The following OTOG variants were observed in gnomAD, a reference collection of about 807,000 sequenced individuals.
OTOG encodes the protein otogelin.
In OTOG, 296 loss-of-function variants were observed where a neutral mutation model predicts 313.8. That is an observed-to-expected ratio of 0.94 (90% CI 0.86 to 1.04). The LOEUF (loss-of-function observed/expected upper bound fraction) is 1.04. Among genes scored for constraint, OTOG ranks in the 50% least tolerant of loss-of-function variants. The pLI is 0.00. For synonymous variants in OTOG, 1,533 were observed against 1,554.9 expected, an observed-to-expected ratio of 0.99 and a Z score of 0.33; for missense variants, 3,948 against 3,840.1, an observed-to-expected ratio of 1.03 and a Z score of -0.74.
intron 39 of OTOG, among the ~76,000 whole-genome samples, chr11:17,619,967 G>A (rs1172346820): frequency 2.0e-5 from 3 of 152,030 alleles, no homozygotes; most frequent in Non-Finnish European, 4.4e-5. Context: ...TTGTTTGTCA[G>A]AAAAAGTCTT....
chr11:17,641,137 C>T (rs1847962802), intron 51 of OTOG, 46 bp downstream of exon 51: 1 of 1,496,564 alleles, frequency 6.7e-7, no homozygotes, highest in Non-Finnish European at 8.9e-7. Flanking sequence ...GGAGGGCTTG[C>T]CTGGCAGACC....
chr11:17,563,754 C>T (rs1224900283), intron 15 of OTOG, among the ~76,000 whole-genome samples: 1 of 151,912 alleles, frequency 6.6e-6, no homozygotes, highest in Non-Finnish European at 1.5e-5. Context: ...AATCTCAGCT[C>T]ACTGCAGCCT....
At chr11:17,593,365 T>C in intron 26 of OTOG, 38 bp downstream of exon 26, 1 of 1,548,142 alleles carries the variant, frequency 6.5e-7, no homozygotes, top group Non-Finnish European at 8.7e-7. Context: ...GTAGACAATT[T>C]ACAGGTTACC....
chr11:17,619,728 T>C (rs1853816386), intron 39 of OTOG, among the ~76,000 whole-genome samples: 1 of 152,222 alleles, frequency 6.6e-6, no homozygotes, highest in Non-Finnish European at 1.5e-5. Context: ...ACTTCTATAA[T>C]TATTATAAAC....
Position 17,555,858 on chromosome 11 carries a change from A to G in OTOG, c.620A>G (p.Glu207Gly). 1.3e-6 allele frequency: 2 copies of G among 1,551,056 alleles called. No homozygotes were observed. Among genetic ancestry groups the G allele is most frequent in the Non-Finnish European group, 1.7e-6 (2 of 1,147,096 alleles). ...AVSLFFVGEQ[E>G]IHLAKEVTHG... ...AGCCTCTTCTTTGTGGGTGAGCAGG[A>G]GATCCATCTGGCCAAGGAGGTCACC... The change falls in exon 7 of 56, where the codon GAG (glutamate) becomes GGG (glycine). Residue 207 changes from glutamate (E) to glycine (G), a missense_variant. Transcript: ENST00000399397.
intron 15 of OTOG, among the ~76,000 whole-genome samples, chr11:17,567,419 G>C (rs886518630): frequency 3.9e-5 from 6 of 152,220 alleles, no homozygotes; most frequent in Non-Finnish European, 7.3e-5. Context: ...TTCTCAGGTT[G>C]GCTGTTGGAC....
At chr11:17,595,251 G>A (rs532356432) in intron 28 of OTOG, among the ~76,000 whole-genome samples, 1 of 152,196 alleles carries the variant, frequency 6.6e-6, no homozygotes, top group South Asian at 2.1e-4. Context: ...AAGCTCAGTG[G>A]GTGACTAACC....
At chr11:17,592,480 A>T (rs112804223) in intron 25 of OTOG, among the ~76,000 whole-genome samples, 204 of 152,276 alleles carry the variant, frequency 1.3e-3, no homozygotes, top group African/African-American at 3.9e-3. Context: ...TTCTGTTCCT[A>T]TCTCCTGTTA....
intron 22 of OTOG, among the ~76,000 whole-genome samples, chr11:17,577,829 T>C (rs1240283823): frequency 1.3e-5 from 2 of 152,164 alleles, no homozygotes; most frequent in African/African-American, 4.8e-5. Context: ...GCAGTGTGAA[T>C]GTGCGGGGCA....
intron 39 of OTOG, among the ~76,000 whole-genome samples, chr11:17,623,076 G>A (rs1362569418): frequency 6.6e-6 from 1 of 152,142 alleles, no homozygotes; most frequent in Non-Finnish European, 1.5e-5. Context: ...GTTTTGATTT[G>A]CATTTCTCTG....
chr11:17,563,987 C>T (rs1565094600), intron 15 of OTOG, among the ~76,000 whole-genome samples: 1 of 151,778 alleles, frequency 6.6e-6, no homozygotes, highest in Non-Finnish European at 1.5e-5. Flanking sequence ...TGAGCCACCA[C>T]ACCTGGCCAT....
chr11:17,631,798 A>C lies in OTOG; in HGVS notation c.6809A>C (p.Gln2270Pro). ...EDPAPFLDSWQVPSSLTSVGQ... is the reference protein window; with the variant it reads ...EDPAPFLDSWPVPSSLTSVGQ... Reference sequence around the variant, plus strand: ...CCTGCTCCCTTTCTGGACAGCTGGCAGGTGCCCAGCTCCCTGACCTCAGTG... The same window carrying C: ...CCTGCTCCCTTTCTGGACAGCTGGCCGGTGCCCAGCTCCCTGACCTCAGTG... The change falls in exon 41 of 56, where the codon CAG (glutamine) becomes CCG (proline). Residue 2270 changes from glutamine to proline, a missense_variant. By Grantham distance (76) the Gln-to-Pro change is moderately conservative. Transcript: ENST00000399397. 6.4e-7 allele frequency: 1 copy of C among 1,550,628 alleles called. No individual in the cohort carries two copies. The highest frequency in any genetic ancestry group is 8.7e-7 in the Non-Finnish European group (1 of 1,146,998).
intron 23 of OTOG, 55 bp downstream of exon 23, chr11:17,578,581 G>A: frequency 6.8e-7 from 1 of 1,472,820 alleles, no homozygotes; most frequent in South Asian, 1.4e-5. Context: ...AGAACCAAGG[G>A]CCACAGGGTG....
chr11:17,586,616 G>T, intron 24 of OTOG, 35 bp downstream of exon 24: 1 of 1,202,698 alleles, frequency 8.3e-7, no homozygotes, highest in Non-Finnish European at 1.1e-6. Flanking sequence ...TTGCTTTTTT[G>T]CTGGGAGGGG....
At chr11:17,615,448 T>C (rs778801887) in intron 39 of OTOG, among the ~76,000 whole-genome samples, 1 of 152,238 alleles carries the variant, frequency 6.6e-6, no homozygotes, top group Non-Finnish European at 1.5e-5. Context: ...ATCTCTCTTA[T>C]GTTTTCTTCT....
intron 4 of OTOG, 69 bp from the exon 5 acceptor site, chr11:17,553,050 A>G: frequency 2.8e-6 from 4 of 1,440,560 alleles, no homozygotes; most frequent in African/African-American, 1.4e-5. Flanking sequence ...GTGAAGCCTG[A>G]GAGGGCTGCC....
Position 17,631,755 on chromosome 11 carries a change from G to A in OTOG, c.6766G>A (p.Val2256Met). Reference protein sequence around the residue: ...NDLTLKDGSVVGGAEDPAPFL... With the variant: ...NDLTLKDGSVMGGAEDPAPFL... ...CCTTACCCTGAAGGATGGCTCAGTG[G>A]TGGGTGGGGCTGAGGACCCTGCTCC... The change falls in exon 41 of 56, where the codon GTG (valine) becomes ATG (methionine). Residue 2256 changes from valine (V) to methionine (M), a missense_variant. Coordinates refer to ENST00000399397, the MANE Select transcript of OTOG (RefSeq NM_001292063.2). 1 of 1,550,636 alleles carries A rather than the reference G, an allele frequency of 6.4e-7. No homozygotes were observed. Among genetic ancestry groups the A allele is most frequent in the Admixed American group, 2.0e-5 (1 of 51,012 alleles).
intron 31 of OTOG, among the ~76,000 whole-genome samples, chr11:17,601,060 C>T (rs541964623): frequency 9.2e-5 from 14 of 152,224 alleles, no homozygotes; most frequent in Non-Finnish European, 1.6e-4. Flanking sequence ...GGAGTGTTTA[C>T]GCCATGGAAA....
intron 39 of OTOG, among the ~76,000 whole-genome samples, chr11:17,625,173 G>A (rs995854194): frequency 3.3e-5 from 5 of 152,128 alleles, no homozygotes; most frequent in African/African-American, 9.7e-5. Flanking sequence ...GATTGCTCTG[G>A]CCAGGACTTC....
Sources: gnomAD v4.1 joint callset for allele counts (sites outside exome capture counted in the v4.1 genomes callset) on GRCh38, gnomAD v4.1.1 for gene constraint, MANE v1.5 for transcripts, NCBI Gene and HGNC (gene_info 2026-07-23, HGNC 2026-07-21) for gene names.